Variants in PDE8B observed in about 807,000 individuals in gnomAD.
The protein encoded by PDE8B is high affinity cAMP-specific and IBMX-insensitive 3',5'-cyclic phosphodiesterase 8B.
In PDE8B, 26 loss-of-function variants were observed where a neutral mutation model predicts 101.3. The observed-to-expected ratio is 0.26, with a 90% confidence interval of 0.19 to 0.36. The LOEUF (loss-of-function observed/expected upper bound fraction) is 0.36, where lower values mean the gene tolerates loss of function less well. PDE8B is among the 10% of genes least tolerant of loss of function. PDE8B has a pLI of 1.00. For missense variants in PDE8B, 810 were observed against 1,163.1 expected (o/e 0.70, Z 4.42); for synonymous variants, 424 against 429.3 (o/e 0.99, Z 0.15).
rs139255245 is a variant in PDE8B at position 77,358,836 on chromosome 5, T to A, written c.1167+5430T>A. On this transcript the variant is annotated intron_variant, in intron 10 of 21. Coordinates refer to ENST00000264917, the MANE Select transcript of PDE8B (RefSeq NM_003719.5). Reference sequence around the variant, plus strand: ...AAATGTATTTTATGTAATTGGAATATTACTATGATACAGACTTTGTACACG... The same window carrying A: ...AAATGTATTTTATGTAATTGGAATAATACTATGATACAGACTTTGTACACG... 2.2e-3 allele frequency among the ~76,000 whole-genome samples: 329 copies of A among 152,322 alleles called. 4 individuals are homozygous for A. Among genetic ancestry groups the A allele is most frequent in the African/African-American group, 7.6e-3 (314 of 41,556 alleles).
chr5:77,347,086 C>A (rs767568574), intron 7 of PDE8B, among the ~76,000 whole-genome samples: 4 of 152,196 alleles, frequency 2.6e-5, no homozygotes, highest in South Asian at 2.1e-4. Context: ...TTCCTCCCTC[C>A]TTTCCTTCCT....
chr5:77,307,606 T>G (rs1026144729), intron 1 of PDE8B, among the ~76,000 whole-genome samples: 3 of 152,330 alleles, frequency 2.0e-5, no homozygotes, highest in Non-Finnish European at 2.9e-5. Flanking sequence ...CTTGTGTTTT[T>G]TTTTTCATGT....
At chr5:77,412,992 C>T in intron 16 of PDE8B, 119 bp from the exon 17 acceptor site, 1 of 840,354 alleles carries the variant, frequency 1.2e-6, no homozygotes, top group East Asian at 2.4e-5. Flanking sequence ...GCTTTTAAAC[C>T]CCTGTGTGTG....
At chr5:77,183,446 G>A in the PDE8B span, among the ~76,000 whole-genome samples, 1 of 152,216 alleles carries the variant, frequency 6.6e-6, no homozygotes, top group East Asian at 1.9e-4. Context: ...TTTACAAATG[G>A]GAGAGCTGAG....
At chr5:77,358,439 T>A (rs1228674356) in intron 10 of PDE8B, 2 of 985,248 alleles carry the variant, frequency 2.0e-6, no homozygotes, top group African/African-American at 1.7e-5. Context: ...GGATCATTAA[T>A]CTTATGCTGC....
the PDE8B span, among the ~76,000 whole-genome samples, chr5:77,178,246 T>C: frequency 8.3e-4 from 126 of 152,358 alleles, 2 homozygotes; most frequent in East Asian, 0.023. Context: ...TGTTTTTTTC[T>C]TTTTGTTTTC....
At chr5:77,416,610 G>T (rs1174975476) in intron 17 of PDE8B, among the ~76,000 whole-genome samples, 1 of 152,338 alleles carries the variant, frequency 6.6e-6, no homozygotes, top group African/African-American at 2.4e-5. Flanking sequence ...GTTGATTGGG[G>T]TCACCCCAGG....
At chr5:77,337,769 A>G (rs1255837345) in intron 6 of PDE8B, among the ~76,000 whole-genome samples, 5 of 152,214 alleles carry the variant, frequency 3.3e-5, no homozygotes, top group Admixed American at 1.3e-4. Context: ...TGTGGCCTCA[A>G]TATGCATGAA....
chr5:77,367,800 A>ATTACAGGC (rs918351525), intron 10 of PDE8B, among the ~76,000 whole-genome samples: 1 of 152,122 alleles, frequency 6.6e-6, no homozygotes, highest in Non-Finnish European at 1.5e-5. Context: ...AAGTGCTGAG[A>ATTACAGGC]TTACAGGCGT....
At chr5:77,290,992 T>G in intron 1 of PDE8B, 1 of 1,612,070 alleles carries the variant, frequency 6.2e-7, no homozygotes, top group Non-Finnish European at 8.5e-7. Context: ...GTGAACCTGC[T>G]GTCCTTCACC....
At chr5:77,126,449 A>G in the PDE8B span, among the ~76,000 whole-genome samples, 1 of 152,156 alleles carries the variant, frequency 6.6e-6, no homozygotes, top group African/African-American at 2.4e-5. Context: ...TTTTTGAGAC[A>G]GGGTCTCTTT....
chr5:77,218,280 G>A (rs1183726493), intron 1 of PDE8B, among the ~76,000 whole-genome samples: 1 of 152,190 alleles, frequency 6.6e-6, no homozygotes, highest in Middle Eastern at 3.2e-3. Flanking sequence ...TATTTGCTGA[G>A]CACTTTATTT....
chr5:77,412,385 A>C, intron 16 of PDE8B, 150 bp downstream of exon 16: 1 of 772,112 alleles, frequency 1.3e-6, no homozygotes, highest in South Asian at 1.5e-5. Flanking sequence ...TTGAATGAGC[A>C]GAGAGACTAT....
the PDE8B span, among the ~76,000 whole-genome samples, chr5:77,195,971 T>C: frequency 6.6e-6 from 1 of 152,198 alleles, no homozygotes; most frequent in African/African-American, 2.4e-5. Flanking sequence ...AAAGGTCAAC[T>C]GTAGTTTTCA....
At chr5:77,355,311 G>A (rs1335311905) in intron 10 of PDE8B, among the ~76,000 whole-genome samples, 2 of 152,310 alleles carry the variant, frequency 1.3e-5, no homozygotes, top group African/African-American at 4.8e-5. Context: ...TACTGCACAG[G>A]CCTGGAGAGA....
chr5:77,411,689 G>A lies in PDE8B; in HGVS notation c.1544G>A (p.Arg515Lys). The A allele has an allele frequency of 6.2e-7, 1 of 1,611,868 alleles. No individual in the cohort carries two copies. The highest frequency in any genetic ancestry group is 8.5e-7 in the Non-Finnish European group (1 of 1,178,028). Residue 515 changes from arginine to lysine, a missense_variant, in exon 15 of 22, where the codon AGA (arginine) becomes AAA (lysine). Coordinates refer to ENST00000264917, the MANE Select transcript of PDE8B (RefSeq NM_003719.5). ...CCTTTATTCCAGGACGGCTTGAGAA[G>A]ACTGTCAGGAAACGAGTATGTGTTT... ...VGGLMTDGLRRLSGNEYVFTK... is the reference protein window; with the variant it reads ...VGGLMTDGLRKLSGNEYVFTK...
intron 1 of PDE8B, among the ~76,000 whole-genome samples, chr5:77,258,236 C>T (rs1161568585): frequency 6.8e-6 from 1 of 146,958 alleles, no homozygotes; most frequent in Non-Finnish European, 1.5e-5. Context: ...TTGTAGTGAG[C>T]CGAGATTGCA....
intron 2 of PDE8B, among the ~76,000 whole-genome samples, chr5:77,316,296 C>T (rs1239691643): frequency 4.6e-5 from 7 of 152,094 alleles, no homozygotes; most frequent in African/African-American, 7.2e-5. Flanking sequence ...TGCAGTGGCA[C>T]GATCTCGGCT....
chr5:77,187,581 G>A, the PDE8B span, among the ~76,000 whole-genome samples: 1 of 152,124 alleles, frequency 6.6e-6, no homozygotes, highest in African/African-American at 2.4e-5. Flanking sequence ...TACATAAAGT[G>A]ATGGCATTCC....
Sources: gnomAD v4.1 joint callset for allele counts (sites outside exome capture counted in the v4.1 genomes callset) on GRCh38, gnomAD v4.1.1 for gene constraint, MANE v1.5 for transcripts, NCBI Gene and HGNC (gene_info 2026-07-23, HGNC 2026-07-21) for gene names.